DHX32: variants seen among roughly 807,000 people sequenced by gnomAD.
DHX32 encodes the protein DEAH-box helicase 32 (putative).
Under a neutral mutation model 70.0 loss-of-function variants are expected in DHX32, and 51 were observed. The observed-to-expected ratio is 0.73, with a 90% CI of 0.58 to 0.92. DHX32 has a LOEUF of 0.92. Among genes scored for constraint, DHX32 ranks in the 40% least tolerant of loss-of-function variants. DHX32 has a pLI of 0.00. For synonymous variants in DHX32, 310 were observed against 315.3 expected (o/e 0.98, Z 0.18); for missense variants, 762 against 891.8 (o/e 0.85, Z 1.85).
Position 125,867,033 on chromosome 10 carries a change from C to T in DHX32, c.433G>A (p.Val145Met), listed in dbSNP as rs141167178. ...GTACAGCAGTTCTCGAAAGGGATCA[C>T]GTAGCCAACCTCATGACCAATGTTA... ...DVNIGHEVGY[V>M]IPFENCCTNE... is the part of the protein sequence containing the mutation. Residue 145 changes from valine (V) to methionine (M), a missense_variant, in exon 2 of 11, where the codon GTG becomes ATG. Transcript: ENST00000284690. 2.6e-5 allele frequency: 42 copies of T among 1,614,188 alleles called. No homozygotes were observed. Among genetic ancestry groups the T allele is most frequent in the Non-Finnish European group, 2.3e-5 (27 of 1,179,996 alleles).
chr10:125,864,126 A>T (rs773774892), intron 2 of DHX32, among the ~76,000 whole-genome samples: 1 of 152,196 alleles, frequency 6.6e-6, no homozygotes, highest in East Asian at 1.9e-4. Context: ...TTATTTTATC[A>T]TAGGGGTCTT....
chr10:125,875,784 A>G (rs1213439491), intron 1 of DHX32, among the ~76,000 whole-genome samples: 1 of 152,192 alleles, frequency 6.6e-6, no homozygotes, highest in African/African-American at 2.4e-5. Context: ...TTCACCCCCA[A>G]ACTCCCTTAG....
chr10:125,854,798 A>C (rs1944131755), intron 3 of DHX32: 1 of 152,256 alleles, frequency 6.6e-6, no homozygotes, highest in Admixed American at 6.5e-5. Context: ...ATTTTTTACC[A>C]AGCAAACAGC....
intron 6 of DHX32, among the ~76,000 whole-genome samples, chr10:125,849,601 G>T (rs1240378694): frequency 6.6e-6 from 1 of 151,428 alleles, no homozygotes. Context: ...ATATTTGCTC[G>T]ACTCTCTGGG....
At chr10:125,874,381 T>C (rs552510825) in intron 1 of DHX32, among the ~76,000 whole-genome samples, 7 of 152,340 alleles carry the variant, frequency 4.6e-5, no homozygotes, top group Admixed American at 3.9e-4. Context: ...AAGATACATG[T>C]CGTCCCAATT....
chr10:125,878,058 T>C (rs1944294685), intron 1 of DHX32, among the ~76,000 whole-genome samples: 1 of 152,206 alleles, frequency 6.6e-6, no homozygotes, highest in South Asian at 2.1e-4. Context: ...GAGTAAAATA[T>C]GGATCTCACT....
At position 125,880,684 on chromosome 10, in the gene DHX32, T is replaced by C. The variant is rs745751442; in HGVS notation, c.141A>G (p.Pro47=). ...DLELNPFDGL[P]YSSRYYKLLK... ...GAAGTTTATAATAACGTGATGAATA[T>C]GGCAATCCATCAAAGGGGTTAAGTT... Residue 47 remains proline (P), a synonymous_variant, in exon 1 of 11, where the codon CCA becomes CCG. Coordinates refer to ENST00000284690, the MANE Select transcript of DHX32 (RefSeq NM_018180.3). 8 of 1,614,226 alleles carry C rather than the reference T, an allele frequency of 5.0e-6. No homozygotes were observed. The highest frequency in any genetic ancestry group is 3.3e-5 in the South Asian group (3 of 91,084).
rs1390303713 is a variant in DHX32 at position 125,836,817 on chromosome 10, A to T, written c.2102T>A (p.Leu701Gln). Reference sequence around the variant, plus strand: ...AATGTCCTTACTTTCACTAGGAGGCAGATTACTGAAATAGTATTGTGGTAC... The same window carrying T: ...AATGTCCTTACTTTCACTAGGAGGCTGATTACTGAAATAGTATTGTGGTAC... ...QLVPQYYFSN[L>Q]PPSESKDILQ... Residue 701 changes from leucine to glutamine, a missense_variant, in exon 11 of 11, where the codon CTG (leucine) becomes CAG (glutamine). By Grantham distance (113) the Leu-to-Gln change is moderately radical (BLOSUM62 -2). Transcript: ENST00000284690. 7 of 1,614,064 alleles carry T rather than the reference A, an allele frequency of 4.3e-6. No homozygotes were observed. Among genetic ancestry groups the T allele is most frequent in the Non-Finnish European group, 5.9e-6 (7 of 1,180,028 alleles).
chr10:125,860,258 A>G (rs1241150025), intron 2 of DHX32, among the ~76,000 whole-genome samples: 1 of 152,216 alleles, frequency 6.6e-6, no homozygotes, highest in East Asian at 1.9e-4. Context: ...GTTTATTACA[A>G]ATATTAATAA....
intron 1 of DHX32, among the ~76,000 whole-genome samples, chr10:125,875,717 A>G (rs917100575): frequency 1.3e-5 from 2 of 152,234 alleles, no homozygotes; most frequent in Admixed American, 1.3e-4. Flanking sequence ...CAGAAATTGT[A>G]ACAGTGAGAA....
chr10:125,856,555 T>C (rs149849820), intron 3 of DHX32, among the ~76,000 whole-genome samples: 312 of 152,344 alleles, frequency 2.0e-3, no homozygotes, highest in African/African-American at 7.2e-3. Flanking sequence ...GCTAGGCAAG[T>C]GGCTGGAGAA....
intron 6 of DHX32, among the ~76,000 whole-genome samples, chr10:125,846,261 C>T (rs1225716791): frequency 6.6e-6 from 1 of 152,162 alleles, no homozygotes; most frequent in Non-Finnish European, 1.5e-5. Flanking sequence ...ACCCTCATAC[C>T]ATTATAGAGA....
At chr10:125,871,812 T>C (rs1040629695) in intron 1 of DHX32, among the ~76,000 whole-genome samples, 3 of 152,282 alleles carry the variant, frequency 2.0e-5, no homozygotes, top group Middle Eastern at 3.4e-3. Flanking sequence ...ATAGTAAATA[T>C]TGTATCTCTT....
At chr10:125,871,862 C>CTTT (rs367881568) in intron 1 of DHX32, among the ~76,000 whole-genome samples, 3 of 131,258 alleles carry the variant, frequency 2.3e-5, no homozygotes, top group Non-Finnish European at 4.9e-5. Flanking sequence ...TGCTTCTTTT[C>CTTT]TTTTTTTTTT....
Position 125,852,609 on chromosome 10 carries a change from C to T in DHX32, c.1126G>A (p.Val376Ile), listed in dbSNP as rs367911803. 57 of 1,612,698 alleles carry T rather than the reference C, an allele frequency of 3.5e-5. No homozygotes were observed. Among genetic ancestry groups the T allele is most frequent in the Admixed American group, 2.7e-4 (16 of 59,652 alleles). Residue 376 changes from valine to isoleucine, a missense_variant, in exon 5 of 11, where the codon GTC (valine) becomes ATC (isoleucine). Physicochemically the swap from Val to Ile is conservative, Grantham distance 29. This residue lies in a region of DHX32 where 394 missense variants were observed against 473.1 expected (regional missense o/e 0.83). Coordinates refer to ENST00000284690, the MANE Select transcript of DHX32 (RefSeq NM_018180.3). ...TGGCTCTGGCTGATGGGCTGCATGA[C>T]GAGCGAGTTTGCTCTTATTCTCGGG... ...YNPRIRANSL[V>I]MQPISQSQAE...
intron 1 of DHX32, among the ~76,000 whole-genome samples, chr10:125,895,368 T>TA (rs1458046037): frequency 6.6e-6 from 1 of 152,254 alleles, no homozygotes; most frequent in Non-Finnish European, 1.5e-5. Flanking sequence ...TTGGAATTAA[T>TA]AGAGGGGCCA....
At chr10:125,853,243 A>G (rs1944115078) in intron 4 of DHX32, 1 of 1,596,668 alleles carries the variant, frequency 6.3e-7, no homozygotes. Flanking sequence ...CTCTGTCATA[A>G]TAAGTCAGGG....
chr10:125,872,694 C>G (rs975770390), intron 1 of DHX32, among the ~76,000 whole-genome samples: 1 of 152,168 alleles, frequency 6.6e-6, no homozygotes, highest in Non-Finnish European at 1.5e-5. Context: ...TTCTGATGTG[C>G]CATTTGCATA....
intron 3 of DHX32, among the ~76,000 whole-genome samples, chr10:125,859,107 C>T (rs970131086): frequency 7.0e-6 from 1 of 143,748 alleles, no homozygotes; most frequent in South Asian, 2.2e-4. Context: ...ATGACCTTTT[C>T]GGGTGGGCTA....
Sources: allele counts gnomAD v4.1 joint callset (sites outside exome capture counted in the v4.1 genomes callset), GRCh38; gene constraint gnomAD v4.1.1; regional missense constraint gnomAD v4.1.1; transcripts MANE v1.5; gene names NCBI Gene and HGNC (gene_info 2026-07-23, HGNC 2026-07-21).